Variants in ALK observed in about 807,000 individuals in gnomAD.
The protein encoded by ALK is ALK tyrosine kinase receptor.
ALK carries 74 observed loss-of-function variants against 163.1 expected under a neutral mutation model. That is an observed-to-expected ratio of 0.45 (90% CI 0.38 to 0.55). The LOEUF (loss-of-function observed/expected upper bound fraction) is 0.55. Ranked by LOEUF, ALK falls within the 20% of genes least tolerant of loss-of-function variation. ALK has a pLI of 0.00. For missense variants in ALK, 2,063 were observed against 2,105.3 expected (o/e 0.98, Z 0.39); for synonymous variants, 960 against 843.2 (o/e 1.14, Z -2.40).
At chr2:29,860,029 G>A (rs1392958434) in intron 1 of ALK, among the ~76,000 whole-genome samples, 2 of 152,170 alleles carry the variant, frequency 1.3e-5, no homozygotes, top group Admixed American at 1.3e-4. Context: ...AATCAGAACA[G>A]CAGTGGCCCA....
intron 1 of ALK, among the ~76,000 whole-genome samples, chr2:29,873,399 T>C (rs960419683): frequency 6.6e-6 from 1 of 152,094 alleles, no homozygotes; most frequent in East Asian, 1.9e-4. Flanking sequence ...CACATGCCAC[T>C]GGAGCAACAG....
intron 3 of ALK, among the ~76,000 whole-genome samples, chr2:29,677,267 TCCCCTC>T (rs1558437762): frequency 6.9e-5 from 2 of 29,098 alleles, no homozygotes; most frequent in African/African-American, 1.2e-4. Context: ...TCCCCTCCCC[TCCCCTC>T]CCATCCCCTC....
intron 1 of ALK, among the ~76,000 whole-genome samples, chr2:29,779,406 G>C (rs1249615251): frequency 6.6e-6 from 1 of 152,146 alleles, no homozygotes; most frequent in Non-Finnish European, 1.5e-5. Flanking sequence ...ATAATGAACA[G>C]ACACAGATAA....
intron 25 of ALK, among the ~76,000 whole-genome samples, chr2:29,207,605 T>C (rs187527324): frequency 6.6e-6 from 1 of 152,360 alleles, no homozygotes; most frequent in East Asian, 1.9e-4. Context: ...TCCAACCTTA[T>C]AAGTATAGTG....
intron 1 of ALK, among the ~76,000 whole-genome samples, chr2:29,792,662 T>C (rs1664215728): frequency 1.4e-5 from 2 of 146,212 alleles, no homozygotes; most frequent in Admixed American, 1.3e-4. Context: ...TCCAGACCAC[T>C]GCAATAAAGC....
chr2:29,680,875 T>C (rs1678044009), intron 3 of ALK, among the ~76,000 whole-genome samples: 1 of 152,172 alleles, frequency 6.6e-6, no homozygotes, highest in African/African-American at 2.4e-5. Flanking sequence ...TATAGTTGTT[T>C]TATTTTGCTA....
At chr2:29,514,027 C>T (rs13025175) in intron 4 of ALK, among the ~76,000 whole-genome samples, 2,571 of 74,524 alleles carry the variant, frequency 0.034, 269 homozygotes, top group Middle Eastern at 0.042. Flanking sequence ...TGTGGAGAAA[C>T]AGGAACACTT....
intron 1 of ALK, among the ~76,000 whole-genome samples, chr2:29,751,015 A>G (rs1346381464): frequency 6.6e-6 from 1 of 152,178 alleles, no homozygotes; most frequent in Non-Finnish European, 1.5e-5. Context: ...GGTTGCAGTA[A>G]GCCGACACTG....
At chr2:29,433,605 C>T (rs1288212354) in intron 4 of ALK, among the ~76,000 whole-genome samples, 1 of 152,128 alleles carries the variant, frequency 6.6e-6, no homozygotes, top group Non-Finnish European at 1.5e-5. Flanking sequence ...AATAGCATCC[C>T]CTGCTAGACT....
chr2:29,378,095 C>A (rs1668802847), intron 5 of ALK, among the ~76,000 whole-genome samples: 1 of 152,170 alleles, frequency 6.6e-6, no homozygotes. Flanking sequence ...CAGGAGCTAT[C>A]TACATTTCCT....
intron 3 of ALK, among the ~76,000 whole-genome samples, chr2:29,667,910 T>C (rs1677567462): frequency 6.6e-6 from 1 of 152,092 alleles, no homozygotes; most frequent in Admixed American, 6.6e-5. Context: ...GGAAACCATC[T>C]GGTCCTGGGC....
chr2:29,193,656 A>G lies in ALK; in HGVS notation c.4431T>C (p.Asn1477=), dbSNP rs2148138348. 6.2e-7 allele frequency: 1 copy of G among 1,614,196 alleles called. No homozygotes were observed. The highest frequency in any genetic ancestry group is 1.1e-5 in the South Asian group (1 of 91,084). Residue 1477 remains asparagine, a synonymous_variant, in exon 29 of 29, where the codon AAT becomes AAC. Transcript: ENST00000389048. ...RGPAVEGGHV[N]MAFSQSNPPS... ...GAGGGTTGGACTGAGAGAATGCCAT[A>G]TTCACGTGTCCCCCTTCCACGGCCG...
At chr2:29,546,925 G>A (rs957211137) in intron 3 of ALK, among the ~76,000 whole-genome samples, 1 of 152,184 alleles carries the variant, frequency 6.6e-6, no homozygotes, top group Non-Finnish European at 1.5e-5. Flanking sequence ...GAACGTGGGT[G>A]GATGTTAATA....
chr2:29,464,316 A>C (rs973198503), intron 4 of ALK, among the ~76,000 whole-genome samples: 1 of 152,216 alleles, frequency 6.6e-6, no homozygotes, highest in African/African-American at 2.4e-5. Context: ...TACTAATATA[A>C]AGCAGGGGGC....
At chr2:29,889,922 G>T (rs1451427692) in intron 1 of ALK, among the ~76,000 whole-genome samples, 1 of 152,100 alleles carries the variant, frequency 6.6e-6, no homozygotes, top group African/African-American at 2.4e-5. Flanking sequence ...TCTTGTGAAA[G>T]CAAGCTGAAA....
chr2:29,590,252 A>G (rs1011055742), intron 3 of ALK, among the ~76,000 whole-genome samples: 9 of 152,190 alleles, frequency 5.9e-5, no homozygotes, highest in Non-Finnish European at 1.0e-4. Context: ...GCTTTATTAT[A>G]TTTTAATTGA....
chr2:29,309,670 G>A (rs1573215005), intron 8 of ALK, among the ~76,000 whole-genome samples: 1 of 145,214 alleles, frequency 6.9e-6, no homozygotes, highest in Middle Eastern at 3.4e-3. Context: ...TTGGGTCCTC[G>A]AGACTCATTG....
At chr2:29,569,300 GAGCAGCAGC>G (rs6146696) in intron 3 of ALK, among the ~76,000 whole-genome samples, 2 of 151,140 alleles carry the variant, frequency 1.3e-5, no homozygotes, top group East Asian at 3.9e-4. Context: ...GCTGCAGCAG[GAGCAGCAGC>G]AGCAGCAGCA....
intron 1 of ALK, among the ~76,000 whole-genome samples, chr2:29,790,030 T>C (rs542134614): frequency 6.6e-6 from 1 of 152,184 alleles, no homozygotes; most frequent in Non-Finnish European, 1.5e-5. Flanking sequence ...TCTCTTTGCA[T>C]AATTCAATTC....
Sources: allele counts gnomAD v4.1 joint callset (sites outside exome capture counted in the v4.1 genomes callset), GRCh38; gene constraint gnomAD v4.1.1; transcripts MANE v1.5; gene names NCBI Gene and HGNC (gene_info 2026-07-23, HGNC 2026-07-21).